STARD9: variants seen among roughly 807,000 people sequenced by gnomAD.
STARD9 encodes the protein StAR related lipid transfer domain containing 9, also known as stAR-related lipid transfer protein 9.
STARD9 carries 346 observed loss-of-function variants against 399.8 expected under a neutral mutation model. The ratio of observed to expected loss-of-function variants is 0.87; its 90% CI spans 0.79 to 0.95. The LOEUF is 0.95. Among genes scored for constraint, STARD9 ranks in the 40% least tolerant of loss-of-function variants. STARD9 has a pLI of 0.00. For missense variants in STARD9, 5,832 were observed against 5,667.5 expected (o/e 1.03, Z -0.93); for synonymous variants, 2,203 against 2,143.5 (o/e 1.03, Z -0.77).
At chr15:42,615,358 G>T (rs2141829479) in intron 3 of STARD9, among the ~76,000 whole-genome samples, 1 of 152,132 alleles carries the variant, frequency 6.6e-6, no homozygotes, top group Middle Eastern at 3.4e-3. Context: ...TAAGATAGTA[G>T]AAACAAAGTG....
intron 9 of STARD9, among the ~76,000 whole-genome samples, chr15:42,659,515 T>C (rs1234458871): frequency 6.6e-6 from 1 of 152,056 alleles, no homozygotes; most frequent in Non-Finnish European, 1.5e-5. Context: ...TATCAGGGTT[T>C]TCTTTGTTTG....
In STARD9 at chr15:42,684,499, C is replaced by G. The variant is rs1176723875; in HGVS notation, c.2921C>G (p.Thr974Ser). ...AAGATCTTCACCTCTACTACCCAGA[C>G]CAGAGGGGCGAAGGGACTAGCAGAC... ...EPKIFTSTTQ[T>S]RGAKGLADPS... The change falls in exon 23 of 33, where the codon ACC (threonine) becomes AGC (serine). Residue 974 changes from threonine (T) to serine (S), a missense_variant. This residue lies in a region of STARD9 where 5,828 missense variants were observed against 5,651.1 expected (regional missense o/e 1.03). Coordinates refer to ENST00000290607, the MANE Select transcript of STARD9 (RefSeq NM_020759.3). 6.5e-7 allele frequency: 1 copy of G among 1,537,180 alleles called. No individual in the cohort carries two copies. Among genetic ancestry groups the G allele is most frequent in the Admixed American group, 2.0e-5 (1 of 51,002 alleles).
intron 7 of STARD9, among the ~76,000 whole-genome samples, chr15:42,648,245 C>T (rs1012061674): frequency 1.3e-5 from 2 of 152,146 alleles, no homozygotes; most frequent in South Asian, 4.1e-4. Context: ...TCACTGCAAC[C>T]TCCGCCTCCT....
chr15:42,625,350 A>G (rs2059180909), intron 3 of STARD9, among the ~76,000 whole-genome samples: 1 of 138,404 alleles, frequency 7.2e-6, no homozygotes, highest in Admixed American at 7.4e-5. Flanking sequence ...CTGTTTTTGG[A>G]GACAGAGTCT....
At chr15:42,618,691 G>C (rs1481198340) in intron 3 of STARD9, among the ~76,000 whole-genome samples, 2 of 151,656 alleles carry the variant, frequency 1.3e-5, no homozygotes, top group African/African-American at 4.8e-5. Flanking sequence ...CTGCCTCCTG[G>C]GTTCAAGCGA....
At chr15:42,664,911 A>G (rs144738245) in intron 13 of STARD9, among the ~76,000 whole-genome samples, 206 of 152,240 alleles carry the variant, frequency 1.4e-3, no homozygotes, top group Non-Finnish European at 2.2e-3. Context: ...CCTACTACCT[A>G]TACATGCCCT....
intron 3 of STARD9, among the ~76,000 whole-genome samples, chr15:42,625,829 G>A (rs1221427363): frequency 6.6e-6 from 1 of 151,914 alleles, no homozygotes; most frequent in Non-Finnish European, 1.5e-5. Flanking sequence ...TCTCTCAGTG[G>A]AATGATTTTC....
intron 20 of STARD9, among the ~76,000 whole-genome samples, chr15:42,678,876 C>G (rs2060366572): frequency 6.6e-6 from 1 of 152,200 alleles, no homozygotes; most frequent in Admixed American, 6.5e-5. Context: ...GGGAACTTGA[C>G]AAAATGTGCT....
chr15:42,640,586 C>G (rs1042215769), intron 7 of STARD9, among the ~76,000 whole-genome samples: 1 of 151,976 alleles, frequency 6.6e-6, no homozygotes, highest in African/African-American at 2.4e-5. Flanking sequence ...CTTTGGGAGG[C>G]TGAGGCGGGC....
At chr15:42,609,389 C>G (rs925199010) in intron 3 of STARD9, among the ~76,000 whole-genome samples, 1 of 151,694 alleles carries the variant, frequency 6.6e-6, no homozygotes, top group African/African-American at 2.4e-5. Context: ...TCAAAAGATT[C>G]TTTAGTAGAT....
intron 7 of STARD9, among the ~76,000 whole-genome samples, chr15:42,639,072 A>G (rs1427013418): frequency 6.6e-6 from 1 of 152,242 alleles, no homozygotes; most frequent in Non-Finnish European, 1.5e-5. Flanking sequence ...TCAATGGCAA[A>G]GAACGTTGGA....
rs1566942728 is a variant in STARD9, at chr15:42,689,422, G to A, written c.7844G>A (p.Gly2615Glu). 2 of 1,537,408 alleles carry A rather than the reference G, an allele frequency of 1.3e-6. No homozygotes were observed. The highest frequency in any genetic ancestry group is 1.7e-6 in the Non-Finnish European group (2 of 1,146,942). Residue 2615 changes from glycine to glutamate, a missense_variant, in exon 23 of 33, where the codon GGA (glycine) becomes GAA (glutamate). By Grantham distance (98) the Gly-to-Glu change is moderately conservative (BLOSUM62 -2). Coordinates refer to ENST00000290607, the MANE Select transcript of STARD9 (RefSeq NM_020759.3). ...DQTRNEGEAP[G>E]FHVASLSAEA... ...ACCAGGAATGAGGGTGAAGCACCGG[G>A]ATTTCATGTGGCATCTCTATCTGCT...
At chr15:42,607,392 G>A (rs2058752386) in intron 3 of STARD9, among the ~76,000 whole-genome samples, 1 of 151,130 alleles carries the variant, frequency 6.6e-6, no homozygotes, top group Admixed American at 6.6e-5. Context: ...TAGTAGAGAT[G>A]GGGTTTCACC....
chr15:42,643,440 C>T (rs1566898355), intron 7 of STARD9, among the ~76,000 whole-genome samples: 3 of 152,082 alleles, frequency 2.0e-5, no homozygotes, highest in Non-Finnish European at 2.9e-5. Context: ...AGGTGATCCA[C>T]CTGCCTTGGC....
intron 1 of STARD9, among the ~76,000 whole-genome samples, chr15:42,579,216 A>T (rs2058119141): frequency 6.6e-6 from 1 of 152,188 alleles, no homozygotes; most frequent in Non-Finnish European, 1.5e-5. Flanking sequence ...AACAACCCAT[A>T]ACAAGGCAGA....
At chr15:42,646,054 G>A (rs1050274514) in intron 7 of STARD9, among the ~76,000 whole-genome samples, 1 of 151,976 alleles carries the variant, frequency 6.6e-6, no homozygotes, top group African/African-American at 2.4e-5. Flanking sequence ...CCAGCTACTC[G>A]GGAGGCTAAG....
rs767730235 is a variant in STARD9 at position 42,675,954 on chromosome 15, C to A, written c.1853C>A (p.Ser618Tyr). ...GDLAASRLGL[S>Y]PLLWKERRAL... ...CTCGCTGCCTCCCGGCTGGGTCTCT[C>A]CCCTTTGCTTTGGAAGGAAAGGTAA... The change falls in exon 20 of 33, where the codon TCC (serine) becomes TAC (tyrosine). Residue 618 changes from serine to tyrosine, a missense_variant. This residue lies in a region of STARD9 where 5,828 missense variants were observed against 5,651.1 expected (regional missense o/e 1.03). Transcript: ENST00000290607. 5.2e-6 allele frequency: 8 copies of A among 1,536,538 alleles called. No homozygotes were observed. The Admixed American group carries it at 5.9e-5, about 11-fold the overall frequency.
chr15:42,652,487 C>T (rs765909843), intron 8 of STARD9, 33 bp from the exon 9 acceptor site: 1 of 1,520,158 alleles, frequency 6.6e-7, no homozygotes, highest in South Asian at 1.2e-5. Context: ...TGTAAACAAT[C>T]CTCGTCCTAA....
chr15:42,669,294 A>C lies in STARD9; in HGVS notation c.1454A>C (p.Glu485Ala). The C allele has an allele frequency of 1.3e-6, 2 of 1,536,712 alleles. No individual in the cohort carries two copies. Among genetic ancestry groups the C allele is most frequent in the Non-Finnish European group, 1.7e-6 (2 of 1,146,468 alleles). ...AGCCTGCCACACTTGATGGCCTTGGAGGATGATGTGCTCAGCACAGGTGTT... is the reference window on the plus strand; with the variant it reads ...AGCCTGCCACACTTGATGGCCTTGGCGGATGATGTGCTCAGCACAGGTGTT... Reference protein sequence around the residue: ...DSSLPHLMALEDDVLSTGVVL... With the variant: ...DSSLPHLMALADDVLSTGVVL... The change falls in exon 16 of 33, where the codon GAG (glutamate) becomes GCG (alanine). Residue 485 changes from glutamate (E) to alanine (A), a missense_variant. By Grantham distance (107) the Glu-to-Ala change is moderately radical (BLOSUM62 -1). This residue lies in a region of STARD9 where 5,828 missense variants were observed against 5,651.1 expected (regional missense o/e 1.03). Coordinates refer to ENST00000290607, the MANE Select transcript of STARD9 (RefSeq NM_020759.3).
Sources: allele counts gnomAD v4.1 joint callset (sites outside exome capture counted in the v4.1 genomes callset), GRCh38; gene constraint gnomAD v4.1.1; regional missense constraint gnomAD v4.1.1; transcripts MANE v1.5; gene names NCBI Gene and HGNC (gene_info 2026-07-23, HGNC 2026-07-21).